The following PREPL variants were observed in gnomAD, a reference collection of about 807,000 sequenced individuals.
PREPL encodes the protein prolyl endopeptidase like.
Under a neutral mutation model 70.6 loss-of-function variants are expected in PREPL, and 77 were observed. The ratio of observed to expected loss-of-function variants is 1.09; its 90% confidence interval spans 0.91 to 1.32. The LOEUF is 1.32. PREPL is among the 40% of genes most tolerant of loss of function. The pLI is 0.00. For synonymous variants in PREPL, 315 were observed against 264.8 expected, an observed-to-expected ratio of 1.19 and a Z score of -1.84; for missense variants, 1,002 against 778.2, an observed-to-expected ratio of 1.29 and a Z score of -3.42.
chr2:44,326,558 G>C (rs971715572), intron 10 of PREPL, among the ~76,000 whole-genome samples, 154 bp downstream of exon 10: 2 of 150,494 alleles, frequency 1.3e-5, no homozygotes, highest in Non-Finnish European at 3.0e-5. Flanking sequence ...GGCTGGTCTC[G>C]AGCTCCTGGT....
At chr2:44,347,734 G>C (rs557558452) in intron 1 of PREPL, among the ~76,000 whole-genome samples, 3 of 152,288 alleles carry the variant, frequency 2.0e-5, no homozygotes, top group African/African-American at 7.2e-5. Context: ...TGTACCAGAG[G>C]GGGGACTTAA....
rs1042963579 is a variant in PREPL at position 44,339,456 on chromosome 2, G to T, written c.486-93C>A. ...TATCTCAGAGGTGGTCAGTATACAT[G>T]TTGATTTATAATGCAGATAGGAAAT... On this transcript the variant is annotated intron_variant, in intron 5 of 13. Transcript: ENST00000409411. 8 of 1,500,684 alleles carry T rather than the reference G, an allele frequency of 5.3e-6. No homozygotes were observed. The African/African-American group carries it at 1.1e-4, about 21-fold the overall frequency. 93.0% of individuals were successfully genotyped at this position (1,500,684 alleles called of 1,614,324 possible).
intron 13 of PREPL, 35 bp downstream of exon 13, chr2:44,321,792 G>A: frequency 6.2e-7 from 1 of 1,613,730 alleles, no homozygotes. Flanking sequence ...ATCTAGTTCG[G>A]GAATCTGTCC....
At chr2:44,326,056 C>A (rs917631331) in intron 10 of PREPL, among the ~76,000 whole-genome samples, 6 of 152,178 alleles carry the variant, frequency 3.9e-5, no homozygotes, top group Non-Finnish European at 8.8e-5. Flanking sequence ...GTCAAGGTGA[C>A]CAGGAGCCAA....
chr2:44,339,097 T>C (rs2103923399), intron 6 of PREPL, 50 bp downstream of exon 6: 1 of 1,601,710 alleles, frequency 6.2e-7, no homozygotes, highest in African/African-American at 1.3e-5. Context: ...TTGATCGAAG[T>C]GTGACACTTC....
chr2:44,328,077 G>A (rs538379545), intron 9 of PREPL, among the ~76,000 whole-genome samples: 70 of 151,658 alleles, frequency 4.6e-4, no homozygotes, highest in Non-Finnish European at 8.6e-4. Context: ...CTTGAGGTCA[G>A]GAGTTCGAGA....
rs185614090 is a variant in PREPL, at chr2:44,319,956, A to G, written c.*1400T>C. On this transcript the variant is annotated 3_prime_UTR_variant, in exon 14 of 14. Coordinates refer to ENST00000409411, the MANE Select transcript of PREPL (RefSeq NM_001171613.2). The stretch of plus-strand genomic sequence containing the variant: ...AATTTGATCTCTACAGAAACTCTAC[A>G]ATGTAGCAGAGCACTGTGCGTACTT... 31 of 489,042 alleles carry G rather than the reference A, an allele frequency of 6.3e-5. 1 individual carries two copies. Among genetic ancestry groups the G allele is most frequent in the African/African-American group, 5.6e-4 (29 of 51,660 alleles). 30.3% of individuals were successfully genotyped at this position (489,042 alleles called of 1,614,324 possible).
At chr2:44,361,830 C>T, upstream of PREPL, 1 of 1,228,648 alleles carries the variant, frequency 8.1e-7, no homozygotes, top group Non-Finnish European at 1.0e-6. Context: ...ACAGCTCGGC[C>T]CTGGTTGCCA....
rs775517492 is a variant in PREPL at position 44,343,926 on chromosome 2, TA to T, written c.167del (p.Leu56TyrfsTer9). 9.9e-6 allele frequency: 16 copies of T among 1,613,818 alleles called. No individual in the cohort carries two copies. The Admixed American group carries it at 2.7e-4, about 27-fold the overall frequency. ...EEADNDNYEV[L>X]FNLEELKLDQ... Reference sequence around the variant, plus strand: ...CTAACTTAAGTTCCTCCAAATTGAATAAAACTTCATAATTATCATTGTCTGC... The same window carrying T: ...CTAACTTAAGTTCCTCCAAATTGAATAAACTTCATAATTATCATTGTCTGC... On this transcript the variant is annotated frameshift_variant, in exon 4 of 14. Coordinates refer to ENST00000409411, the MANE Select transcript of PREPL (RefSeq NM_001171613.2). LOFTEE classifies it high-confidence loss of function.
At chr2:44,329,211 G>A (rs879156863) in intron 8 of PREPL, 99 bp from the exon 9 acceptor site, 1 of 943,402 alleles carries the variant, frequency 1.1e-6, no homozygotes, top group East Asian at 2.6e-5. Context: ...CCCCACTTGT[G>A]TGCTACCTAC....
chr2:44,342,935 A>T (rs1276458224), intron 4 of PREPL, among the ~76,000 whole-genome samples: 1 of 152,138 alleles, frequency 6.6e-6, no homozygotes, highest in Non-Finnish European at 1.5e-5. Context: ...TCATGTGTAA[A>T]CCTTCTCTGT....
chr2:44,360,667 G>C (rs1038860575), intron 1 of PREPL: 2 of 152,158 alleles, frequency 1.3e-5, no homozygotes, highest in African/African-American at 4.8e-5. Context: ...CCGGGCCTCA[G>C]TTTCTTCATC....
chr2:44,336,260 A>G (rs1193360608), intron 7 of PREPL, among the ~76,000 whole-genome samples: 1 of 152,042 alleles, frequency 6.6e-6, no homozygotes, highest in Non-Finnish European at 1.5e-5. Context: ...CATTATGTTC[A>G]TCACAATAGC....
At position 44,338,391 on chromosome 2, in the gene PREPL, T is replaced by A. The variant is rs772253136; in HGVS notation, c.848A>T (p.Asn283Ile). ...FLKHSNLLYV[N>I]VIGLADDSVR... ...TGAATCATCAGCCAGACCAATCACA[T>A]TAACATAAAGGAGATTGCTGTGCTT... The change falls in exon 7 of 14, where the codon AAT becomes ATT. Residue 283 changes from asparagine to isoleucine, a missense_variant. Coordinates refer to ENST00000409411, the MANE Select transcript of PREPL (RefSeq NM_001171613.2). The A allele has an allele frequency of 6.2e-6, 10 of 1,613,214 alleles. No individual in the cohort carries two copies.
intron 1 of PREPL, among the ~76,000 whole-genome samples, chr2:44,355,843 G>C (rs1255060341): frequency 6.6e-6 from 1 of 150,942 alleles, no homozygotes; most frequent in Non-Finnish European, 1.5e-5. Context: ...TGTAGAAATA[G>C]GCAAATGACA....
chr2:44,355,044 C>T (rs1195519416), intron 1 of PREPL, among the ~76,000 whole-genome samples: 2 of 152,138 alleles, frequency 1.3e-5, no homozygotes, highest in Non-Finnish European at 2.9e-5. Context: ...TAATCAAATG[C>T]AGTAACATTT....
chr2:44,318,993 A>G lies in PREPL; in HGVS notation c.*2363T>C, dbSNP rs1365932255. 1 of 152,246 alleles carries G rather than the reference A, an allele frequency of 6.6e-6. No homozygotes were observed. 9.4% of individuals were successfully genotyped at this position (152,246 alleles called of 1,614,324 possible). On this transcript the variant is annotated 3_prime_UTR_variant, in exon 14 of 14. Coordinates refer to ENST00000409411, the MANE Select transcript of PREPL (RefSeq NM_001171613.2). The stretch of plus-strand genomic sequence containing the variant: ...AGTAGTAACTCAAGTAGACAATAAT[A>G]GCTAACACTTACCGGGCACTTCTTA...
Position 44,317,908 on chromosome 2 carries a change from T to G in PREPL, c.*3448A>C. 1 of 236,514 alleles carries G rather than the reference T, an allele frequency of 4.2e-6. No individual in the cohort carries two copies. The highest frequency in any genetic ancestry group is 4.0e-5 in the South Asian group (1 of 24,900). 14.7% of individuals were successfully genotyped at this position (236,514 alleles called of 1,614,324 possible). On this transcript the variant is annotated 3_prime_UTR_variant, in exon 14 of 14. Transcript: ENST00000409411. Reference sequence around the variant, plus strand: ...ACCACTCAGATAACAAAAACAGACATAAGAAACACTAACATAAAACACAAA... The same window carrying G: ...ACCACTCAGATAACAAAAACAGACAGAAGAAACACTAACATAAAACACAAA...
intron 1 of PREPL, among the ~76,000 whole-genome samples, chr2:44,351,544 C>T (rs892008892): frequency 1.3e-5 from 2 of 151,550 alleles, no homozygotes; most frequent in Non-Finnish European, 2.9e-5. Flanking sequence ...CCCTGTTCTC[C>T]AGGCAATCTT....
Sources: gnomAD v4.1 joint callset for allele counts (sites outside exome capture counted in the v4.1 genomes callset) on GRCh38, gnomAD v4.1.1 for gene constraint, MANE v1.5 for transcripts, NCBI Gene and HGNC (gene_info 2026-07-23, HGNC 2026-07-21) for gene names.